BCKDHB: variants seen among roughly 807,000 people sequenced by gnomAD.
BCKDHB encodes branched chain keto acid dehydrogenase E1 subunit beta.
In BCKDHB, 41 loss-of-function variants were observed where a neutral mutation model predicts 48.5. The ratio of observed to expected loss-of-function variants is 0.85; its 90% confidence interval spans 0.66 to 1.10. The LOEUF is 1.10. Ranked by LOEUF, BCKDHB falls within the 50% of genes least tolerant of loss-of-function variation. The pLI, the probability that BCKDHB is intolerant of heterozygous loss-of-function variation, is 0.00. For missense variants in BCKDHB, 496 were observed against 494.2 expected (o/e 1.00, Z -0.03); for synonymous variants, 201 against 174.8 (o/e 1.15, Z -1.18).
chr6:80,417,282 G>C, the BCKDHB span, among the ~76,000 whole-genome samples: 367 of 152,054 alleles, frequency 2.4e-3, 3 homozygotes, highest in African/African-American at 8.1e-3. Flanking sequence ...TATATCAGTG[G>C]GTCTTGGTTC....
chr6:80,231,847 C>T (rs867769240), intron 8 of BCKDHB, among the ~76,000 whole-genome samples: 2 of 152,130 alleles, frequency 1.3e-5, no homozygotes, highest in African/African-American at 4.8e-5. Flanking sequence ...CACCTGTAGT[C>T]CCAGCTACTT....
At chr6:80,293,970 C>T (rs181937762) in intron 9 of BCKDHB, among the ~76,000 whole-genome samples, 27 of 152,324 alleles carry the variant, frequency 1.8e-4, no homozygotes, top group Admixed American at 1.2e-3. Flanking sequence ...GTCCATATCA[C>T]TATCCGCATT....
the BCKDHB span, among the ~76,000 whole-genome samples, chr6:80,445,114 T>C: frequency 6.6e-6 from 1 of 152,176 alleles, no homozygotes. Flanking sequence ...TGTTTATATC[T>C]ACCTTGGCAC....
intron 9 of BCKDHB, among the ~76,000 whole-genome samples, chr6:80,321,597 A>C (rs1288068215): frequency 6.6e-6 from 1 of 152,174 alleles, no homozygotes; most frequent in Admixed American, 6.5e-5. Flanking sequence ...CAACATGCCC[A>C]TAACTTATTT....
the BCKDHB span, chr6:80,441,311 T>C: frequency 1.3e-5 from 2 of 152,164 alleles, no homozygotes; most frequent in Non-Finnish European, 2.9e-5. Flanking sequence ...AATTTGTTCA[T>C]AGTAACCAAA....
At chr6:80,434,786 G>T in the BCKDHB span, among the ~76,000 whole-genome samples, 1 of 152,130 alleles carries the variant, frequency 6.6e-6, no homozygotes, top group South Asian at 2.1e-4. Context: ...TCTGGCTGGT[G>T]GAAATATGTT....
the BCKDHB span, among the ~76,000 whole-genome samples, chr6:80,382,215 C>G: frequency 1.3e-5 from 2 of 152,092 alleles, no homozygotes; most frequent in Admixed American, 1.3e-4. Flanking sequence ...TGTGGAAGAC[C>G]TAGTATGAGT....
chr6:80,122,442 A>G (rs1770079697), intron 1 of BCKDHB, among the ~76,000 whole-genome samples: 2 of 152,268 alleles, frequency 1.3e-5, no homozygotes, highest in Admixed American at 1.3e-4. Flanking sequence ...CCCACCCCCA[A>G]TATTTTAACG....
rs145097792 is a variant in BCKDHB at position 80,324,597 on chromosome 6, A to G, written c.1039-19067A>G. On this transcript the variant is annotated intron_variant, in intron 9 of 9. Coordinates refer to ENST00000320393, the MANE Select transcript of BCKDHB (RefSeq NM_183050.4). ...CTCAGCTACTCCCCTAGGGCAGTGT[A>G]TCAGCAATTTAGGAACCAGGGATGA... Among the ~76,000 whole-genome samples, 7 of 152,298 alleles carry G rather than the reference A, an allele frequency of 4.6e-5. No homozygotes were observed. In the East Asian group the frequency reaches 7.7e-4, roughly 17 times the overall value.
chr6:80,107,905 A>G (rs1562051105), intron 1 of BCKDHB, among the ~76,000 whole-genome samples: 1 of 152,152 alleles, frequency 6.6e-6, no homozygotes, highest in African/African-American at 2.4e-5. Context: ...AACTGTAGGG[A>G]AACATGTATT....
chr6:80,399,482 T>C, the BCKDHB span, among the ~76,000 whole-genome samples: 1 of 152,114 alleles, frequency 6.6e-6, no homozygotes, highest in Non-Finnish European at 1.5e-5. Context: ...AAATCAGAAA[T>C]GCAATCCTAT....
intron 9 of BCKDHB, among the ~76,000 whole-genome samples, chr6:80,289,435 G>A (rs1005151936): frequency 1.3e-5 from 2 of 152,132 alleles, no homozygotes; most frequent in Non-Finnish European, 1.5e-5. Flanking sequence ...ACTAGATGCA[G>A]CCAGGAAGTG....
intron 9 of BCKDHB, among the ~76,000 whole-genome samples, chr6:80,328,701 C>T (rs1238813186): frequency 6.6e-6 from 1 of 152,114 alleles, no homozygotes; most frequent in African/African-American, 2.4e-5. Context: ...CATTTTTAGA[C>T]TAACTTGCAA....
At chr6:80,327,176 G>T (rs567873525) in intron 9 of BCKDHB, among the ~76,000 whole-genome samples, 1 of 152,250 alleles carries the variant, frequency 6.6e-6, no homozygotes, top group African/African-American at 2.4e-5. Flanking sequence ...TGAAAGTATC[G>T]TAGGTCAAAA....
the BCKDHB span, among the ~76,000 whole-genome samples, chr6:80,427,877 T>A: frequency 6.6e-6 from 1 of 152,106 alleles, no homozygotes; most frequent in Non-Finnish European, 1.5e-5. Context: ...CTCTGGCTGA[T>A]TCAATTTTTA....
chr6:80,168,744 CAGGG>C, intron 4 of BCKDHB, 127 bp from the exon 5 acceptor site: 1 of 934,846 alleles, frequency 1.1e-6, no homozygotes, highest in Non-Finnish European at 1.6e-6. Context: ...GGGAGGGAGG[CAGGG>C]AGGGAGGGAA....
intron 8 of BCKDHB, among the ~76,000 whole-genome samples, chr6:80,228,236 T>C (rs1178433260): frequency 6.6e-6 from 1 of 152,252 alleles, no homozygotes; most frequent in Non-Finnish European, 1.5e-5. Flanking sequence ...ATTTAAATTT[T>C]GTTTTTGTGA....
At chr6:80,385,620 A>G in the BCKDHB span, among the ~76,000 whole-genome samples, 5 of 152,170 alleles carry the variant, frequency 3.3e-5, no homozygotes, top group African/African-American at 7.2e-5. Context: ...GCCTCTCCTG[A>G]GGCCGTTGCC....
the BCKDHB span, among the ~76,000 whole-genome samples, chr6:80,354,215 CTTTATTTA>C: frequency 2.0e-5 from 3 of 146,678 alleles, no homozygotes; most frequent in Non-Finnish European, 4.5e-5. Context: ...ACCCATTTGT[CTTTATTTA>C]TTTATTTATT....
Sources: allele counts gnomAD v4.1 joint callset (sites outside exome capture counted in the v4.1 genomes callset), GRCh38; gene constraint gnomAD v4.1.1; transcripts MANE v1.5; gene names NCBI Gene and HGNC (gene_info 2026-07-23, HGNC 2026-07-21).